Variants in VAV2 observed in about 807,000 individuals in gnomAD.
VAV2 encodes the protein guanine nucleotide exchange factor VAV2.
In VAV2, 67 loss-of-function variants were observed where a neutral mutation model predicts 132.5. The ratio of observed to expected loss-of-function variants is 0.51; its 90% confidence interval spans 0.42 to 0.62. The LOEUF (loss-of-function observed/expected upper bound fraction) is 0.62, where lower values mean the gene tolerates loss of function less well. Among genes scored for constraint, VAV2 ranks in the 20% least tolerant of loss-of-function variants. The pLI is 0.00. For synonymous variants in VAV2, 492 were observed against 443.5 expected (o/e 1.11, Z -1.37); for missense variants, 938 against 1,153.6 (o/e 0.81, Z 2.71).
At chr9:133,878,051 T>TGA (rs546594383) in intron 2 of VAV2, among the ~76,000 whole-genome samples, 253 of 152,304 alleles carry the variant, frequency 1.7e-3, no homozygotes, top group African/African-American at 5.7e-3. Flanking sequence ...CTAGGCTGTC[T>TGA]GACGGTGAAG....
At position 133,928,394 on chromosome 9, in the gene VAV2, G is replaced by A. The variant is rs1840556359; in HGVS notation, c.321+10709C>T. Among the ~76,000 whole-genome samples the A allele has an allele frequency of 6.6e-6, 1 of 152,204 alleles. No homozygotes were observed. Among genetic ancestry groups the A allele is most frequent in the Non-Finnish European group, 1.5e-5 (1 of 68,040 alleles). ...GCCCCTGCGCCGGGCTCTGCCGGGA[G>A]CCTGAGGCAGCTCCCCACCCCAGCG... On this transcript the variant is annotated intron_variant, in intron 2 of 29. Coordinates refer to ENST00000371850, the MANE Select transcript of VAV2 (RefSeq NM_001134398.2). This position sits in a 1 kb window ranked among gnomAD's most constrained non-coding sequence, Gnocchi z 5.4.
At chr9:133,907,559 C>T (rs1239998034) in intron 2 of VAV2, among the ~76,000 whole-genome samples, 3 of 152,204 alleles carry the variant, frequency 2.0e-5, no homozygotes, top group Admixed American at 6.5e-5. Flanking sequence ...AGCTCCACCA[C>T]GTTGGAAAGC....
chr9:133,964,046 TATAC>T (rs71380265), intron 1 of VAV2, among the ~76,000 whole-genome samples: 1 of 87,888 alleles, frequency 1.1e-5, no homozygotes, highest in Admixed American at 1.2e-4. Context: ...TATATATATA[TATAC>T]ATATATATAC....
Position 133,768,732 on chromosome 9 carries a change from G to C in VAV2, c.2435-136C>G. 8.4e-7 allele frequency: 1 copy of C among 1,188,510 alleles called. No homozygotes were observed. The highest frequency in any genetic ancestry group is 1.1e-6 in the Non-Finnish European group (1 of 871,042). The allele number at this position is 1,188,510 out of a possible 1,614,324, so 73.6% of individuals were successfully genotyped here. On this transcript the variant is annotated intron_variant, in intron 28 of 29. Coordinates refer to ENST00000371850, the MANE Select transcript of VAV2 (RefSeq NM_001134398.2). The surrounding 1 kb of genome is among the most constrained non-coding windows in gnomAD (Gnocchi z 5.3). ...TGTACCCAGAGAGGAAGGATGTCAA[G>C]CAGAAAGGCTCTGGAGGGACACACT...
intron 7 of VAV2, among the ~76,000 whole-genome samples, chr9:133,807,883 T>C (rs2428090): frequency 1 from 151,930 of 152,358 alleles, 75,752 homozygotes; most frequent in East Asian, 1. Flanking sequence ...GTGAGGCTGC[T>C]GACCCTGCTC....
At chr9:133,982,939 C>T (rs184993382) in intron 1 of VAV2, among the ~76,000 whole-genome samples, 22 of 152,262 alleles carry the variant, frequency 1.4e-4, no homozygotes, top group Admixed American at 1.3e-4. Context: ...GTTGCGTAGT[C>T]GTGACAGAGA....
intron 25 of VAV2, among the ~76,000 whole-genome samples, chr9:133,773,030 C>A (rs1324708539): frequency 2.0e-5 from 3 of 150,192 alleles, no homozygotes. Context: ...GACGGCAGAG[C>A]CTACTGCACA....
intron 1 of VAV2, among the ~76,000 whole-genome samples, chr9:133,947,105 G>A (rs1453546843): frequency 1.3e-5 from 2 of 152,210 alleles, no homozygotes; most frequent in Non-Finnish European, 2.9e-5. Flanking sequence ...GCAGCAGAGA[G>A]TCCACGATGC....
intron 15 of VAV2, among the ~76,000 whole-genome samples, chr9:133,787,582 G>A (rs577296649): frequency 7.9e-4 from 120 of 152,304 alleles, no homozygotes; most frequent in African/African-American, 2.7e-3. Flanking sequence ...CCAGGGACTG[G>A]ACTTTCAGAA....
rs1833286708 is a variant in VAV2 at position 133,762,341 on chromosome 9, G to GAT, written c.*1719_*1720dup. 1.3e-5 allele frequency: 2 copies of GAT among 152,560 alleles called. No individual in the cohort carries two copies. Among genetic ancestry groups the GAT allele is most frequent in the Non-Finnish European group, 2.9e-5 (2 of 68,030 alleles). The allele number at this position is 152,560 out of a possible 1,614,324, so 9.5% of individuals were successfully genotyped here. A position where few individuals can be genotyped will look rare whatever the true frequency, so the allele number is the denominator to read the frequency against. On this transcript the variant is annotated 3_prime_UTR_variant, in exon 30 of 30. Transcript: ENST00000371850. This position sits in a 1 kb window ranked among gnomAD's most constrained non-coding sequence, Gnocchi z 5.0. The stretch of plus-strand genomic sequence containing the variant: ...ATTATAAAATCTCTTATTATTCACA[G>GAT]ATATATAACGGGAGATTTGGATGAA...
At chr9:133,851,609 G>A (rs529800577) in intron 3 of VAV2, among the ~76,000 whole-genome samples, 1 of 152,330 alleles carries the variant, frequency 6.6e-6, no homozygotes, top group East Asian at 1.9e-4. Flanking sequence ...GTACCACACT[G>A]AGACCAATCG....
At chr9:133,898,016 ACT>A (rs1370238950) in intron 2 of VAV2, among the ~76,000 whole-genome samples, 1 of 152,010 alleles carries the variant, frequency 6.6e-6, no homozygotes. Flanking sequence ...GCTTAGGGAC[ACT>A]CTGCCCAGAC....
rs549620264 is a variant in VAV2, at chr9:133,793,996, C to G, written c.1101+1672G>C. ...TGGCTCTCAGAAAGGCAGACGCACACCCGCAAGTCACCGAGTACTTTGTGC... is the reference window on the plus strand; with the variant it reads ...TGGCTCTCAGAAAGGCAGACGCACAGCCGCAAGTCACCGAGTACTTTGTGC... On this transcript the variant is annotated intron_variant, in intron 12 of 29. Transcript: ENST00000371850. 2.0e-5 allele frequency among the ~76,000 whole-genome samples: 3 copies of G among 152,284 alleles called. No individual in the cohort carries two copies. The South Asian group carries it at 6.2e-4, about 32-fold the overall frequency.
intron 4 of VAV2, among the ~76,000 whole-genome samples, chr9:133,821,740 C>T (rs1430610769): frequency 6.6e-6 from 1 of 152,200 alleles, no homozygotes; most frequent in Non-Finnish European, 1.5e-5. Context: ...TTTCAGGGAT[C>T]ATTCTTCTCT....
At chr9:133,858,841 T>A (rs1254365728) in intron 3 of VAV2, among the ~76,000 whole-genome samples, 2 of 152,192 alleles carry the variant, frequency 1.3e-5, no homozygotes, top group Non-Finnish European at 2.9e-5. Flanking sequence ...TCGGGTCTCC[T>A]GTGGGGTGGC....
intron 3 of VAV2, among the ~76,000 whole-genome samples, chr9:133,855,581 C>T (rs574730263): frequency 5.9e-5 from 9 of 152,330 alleles, no homozygotes; most frequent in East Asian, 1.9e-4. Flanking sequence ...TCTCCCTGCA[C>T]GAGCCGCATC....
rs1834987181 is a variant in VAV2, at chr9:133,802,813, T to C, written c.836+3268A>G. ...ATGCCCAGGGACAGGCCAGCGTGGA[T>C]TGAGGACCACAGGCCATGGGCTCAG... is the stretch of plus-strand genomic sequence containing the variant. On this transcript the variant is annotated intron_variant, in intron 9 of 29. Coordinates refer to ENST00000371850, the MANE Select transcript of VAV2 (RefSeq NM_001134398.2). This position sits in a 1 kb window ranked among gnomAD's most constrained non-coding sequence, Gnocchi z 5.8. Among the ~76,000 whole-genome samples the C allele has an allele frequency of 6.6e-6, 1 of 152,144 alleles. No homozygotes were observed. The highest frequency in any genetic ancestry group is 1.5e-5 in the Non-Finnish European group (1 of 68,014).
chr9:133,783,055 ATGTG>A (rs145191354), intron 19 of VAV2, among the ~76,000 whole-genome samples: 1 of 152,126 alleles, frequency 6.6e-6, no homozygotes, highest in African/African-American at 2.4e-5. Flanking sequence ...GTATGCGTGC[ATGTG>A]TGTGTGTGTC....
chr9:133,821,175 G>C (rs371190407), intron 4 of VAV2, among the ~76,000 whole-genome samples: 22 of 152,362 alleles, frequency 1.4e-4, no homozygotes, highest in African/African-American at 5.3e-4. Context: ...GTCTCGGCTA[G>C]AAAGAAGCGT....
Sources: gnomAD v4.1 joint callset for allele counts (sites outside exome capture counted in the v4.1 genomes callset) on GRCh38, gnomAD v4.1.1 for gene constraint, Gnocchi (gnomAD v3.1) non-coding constraint, MANE v1.5 for transcripts, NCBI Gene and HGNC (gene_info 2026-07-23, HGNC 2026-07-21) for gene names.